The following DGKB variants were observed in gnomAD, a reference collection of about 807,000 sequenced individuals.
The protein encoded by DGKB is 90 kDa diacylglycerol kinase.
Under a neutral mutation model 114.3 loss-of-function variants are expected in DGKB, and 67 were observed. That is an observed-to-expected ratio of 0.59 (90% CI 0.48 to 0.72). DGKB has a LOEUF of 0.72. DGKB is among the 30% of genes least tolerant of loss of function. DGKB has a pLI of 0.00. For missense variants in DGKB, 907 were observed against 975.2 expected (o/e 0.93, Z 0.93); for synonymous variants, 398 against 323.1 (o/e 1.23, Z -2.49).
chr7:14,557,090 T>G (rs1180264218), intron 20 of DGKB, among the ~76,000 whole-genome samples: 2 of 152,114 alleles, frequency 1.3e-5, no homozygotes, highest in Non-Finnish European at 2.9e-5. Flanking sequence ...GTCCCCAATC[T>G]CAGACCTACC....
At position 14,284,220 on chromosome 7, in the gene DGKB, C is replaced by G. The variant is rs528376290; in HGVS notation, c.2122+54295G>C. On this transcript the variant is annotated intron_variant, in intron 23 of 25. Coordinates refer to ENST00000402815, the MANE Select transcript of DGKB (RefSeq NM_001350709.2). ...GCGAAGGACATGAACAGACACTTCT[C>G]AAAAGAAGACACTTATGCAGCCAAA... 1.9e-3 allele frequency among the ~76,000 whole-genome samples: 284 copies of G among 149,900 alleles called. 2 individuals are homozygous for G. The highest frequency in any genetic ancestry group is 7.0e-3 in the African/African-American group (276 of 39,340).
intron 15 of DGKB, 61 bp from the exon 16 acceptor site, chr7:14,613,474 C>T: frequency 1.2e-6 from 1 of 812,534 alleles, no homozygotes; most frequent in Non-Finnish European, 2.0e-6. Context: ...AAGAAGACTC[C>T]TTGTTATTTC....
chr7:14,809,643 G>A (rs1168802032), intron 2 of DGKB, among the ~76,000 whole-genome samples: 1 of 152,050 alleles, frequency 6.6e-6, no homozygotes, highest in Non-Finnish European at 1.5e-5. Context: ...TTTTTCTTAA[G>A]TTTTAATATC....
At chr7:14,632,512 T>G (rs1228585705) in intron 13 of DGKB, among the ~76,000 whole-genome samples, 1 of 151,860 alleles carries the variant, frequency 6.6e-6, no homozygotes, top group Non-Finnish European at 1.5e-5. Context: ...TTATTGTTAG[T>G]GAATATTTTC....
At chr7:14,209,387 A>G (rs977335418) in intron 23 of DGKB, 7 of 466,352 alleles carry the variant, frequency 1.5e-5, no homozygotes, top group Admixed American at 4.7e-5. Flanking sequence ...GCTTGCAACT[A>G]TAAAAACAAG....
At chr7:14,554,475 C>T (rs550839115) in intron 20 of DGKB, among the ~76,000 whole-genome samples, 6 of 152,116 alleles carry the variant, frequency 3.9e-5, no homozygotes, top group South Asian at 2.1e-4. Flanking sequence ...TTTAAATATG[C>T]TTTGTGCAGC....
At chr7:14,900,470 C>G (rs976393619) in intron 1 of DGKB, among the ~76,000 whole-genome samples, 1 of 152,084 alleles carries the variant, frequency 6.6e-6, no homozygotes, top group East Asian at 1.9e-4. Flanking sequence ...CTTGAAATGT[C>G]ATTTCAAGCC....
At chr7:14,318,370 T>C (rs546006531) in intron 23 of DGKB, among the ~76,000 whole-genome samples, 19 of 151,516 alleles carry the variant, frequency 1.3e-4, no homozygotes, top group African/African-American at 4.6e-4. Context: ...TGGGAGAAAA[T>C]TTTCGCAACC....
intron 2 of DGKB, among the ~76,000 whole-genome samples, chr7:14,763,296 C>T (rs62448723): frequency 6.6e-6 from 1 of 152,094 alleles, no homozygotes; most frequent in African/African-American, 2.4e-5. Flanking sequence ...CTCCATGGGA[C>T]ACCCCATAAT....
At chr7:14,296,293 G>A (rs112429412) in intron 23 of DGKB, among the ~76,000 whole-genome samples, 2,035 of 152,016 alleles carry the variant, frequency 0.013, 22 homozygotes, top group Non-Finnish European at 0.022. Context: ...GCCTCCCAAA[G>A]TGCTGGTATT....
rs550604368 is a variant in DGKB, at chr7:14,185,365, G to C, written c.2123-7214C>G. Among the ~76,000 whole-genome samples the C allele has an allele frequency of 2.7e-4, 41 of 152,180 alleles. 1 individual carries two copies. In the South Asian group the frequency reaches 8.3e-3, roughly 31 times the overall value. ...CAAAACGCTATTGAAAAAAATCATA[G>C]ATGACATGAACAAATGGAAACACAT... On this transcript the variant is annotated intron_variant, in intron 23 of 25. Transcript: ENST00000402815.
intron 1 of DGKB, among the ~76,000 whole-genome samples, chr7:14,892,151 T>C (rs894643403): frequency 6.6e-6 from 1 of 151,300 alleles, no homozygotes; most frequent in Non-Finnish European, 1.5e-5. Flanking sequence ...CTACTGGATA[T>C]TGGTGGGAGG....
At position 14,944,062 on chromosome 7, in the gene DGKB, T is replaced by C. The variant is rs1358792820; in HGVS notation, c.-188+30634A>G. Among the ~76,000 whole-genome samples, 6 of 151,866 alleles carry C rather than the reference T, an allele frequency of 4.0e-5. No homozygotes were observed. In the South Asian group the frequency reaches 8.3e-4, roughly 21 times the overall value. ...GAATTAAAGCTCATCATCGATCCCA[T>C]TGTTATAATAATATTTCATTCTATT... On this transcript the variant is annotated intron_variant, in intron 1 of 4. Coordinates refer to the DGKB transcript ENST00000437998.
In DGKB at chr7:14,580,935, G is replaced by A; in HGVS notation, c.1536C>T (p.Gly512=). The A allele has an allele frequency of 1.3e-6, 2 of 1,599,404 alleles. No homozygotes were observed. The highest frequency in any genetic ancestry group is 1.7e-6 in the Non-Finnish European group (2 of 1,170,710). ...GCAGAATCGCAACTGGAGGATGCTT[G>A]CCTACATTGGCCTTTTCTGCAGAAT... ...VLDCIEKANV[G]KHPPVAILPL... The change falls in exon 19 of 26, where the codon GGC becomes GGT. Residue 512 remains glycine (G), a synonymous_variant. Transcript: ENST00000402815.
chr7:14,710,922 T>C (rs755525063), intron 6 of DGKB, among the ~76,000 whole-genome samples: 5 of 152,056 alleles, frequency 3.3e-5, no homozygotes, highest in Non-Finnish European at 7.4e-5. Context: ...TCTTGTTTCC[T>C]TTCTGCTTGT....
chr7:14,481,098 G>C (rs886654616), intron 20 of DGKB, among the ~76,000 whole-genome samples: 2 of 151,796 alleles, frequency 1.3e-5, no homozygotes, highest in Non-Finnish European at 2.9e-5. Flanking sequence ...TATTCAAACA[G>C]TAAAAATGTA....
intron 23 of DGKB, among the ~76,000 whole-genome samples, chr7:14,316,038 G>T (rs1430093531): frequency 6.7e-6 from 1 of 149,006 alleles, no homozygotes; most frequent in Admixed American, 6.6e-5. Flanking sequence ...TGACTGTTGG[G>T]TACATAACGA....
chr7:14,255,048 A>G (rs34701126), intron 23 of DGKB, among the ~76,000 whole-genome samples: 26,571 of 152,130 alleles, frequency 0.17, 2,459 homozygotes, highest in Middle Eastern at 0.21. Flanking sequence ...AAAATTCACA[A>G]AATTTTAAAG....
At chr7:14,314,195 A>G (rs1054861419) in intron 23 of DGKB, among the ~76,000 whole-genome samples, 3 of 152,288 alleles carry the variant, frequency 2.0e-5, no homozygotes, top group East Asian at 1.9e-4. Flanking sequence ...AACAGAACAG[A>G]AAAACTGGAA....
Sources: allele counts gnomAD v4.1 joint callset (sites outside exome capture counted in the v4.1 genomes callset), GRCh38; gene constraint gnomAD v4.1.1; transcripts MANE v1.5; gene names NCBI Gene and HGNC (gene_info 2026-07-23, HGNC 2026-07-21).